ERBB4: variants seen among roughly 807,000 people sequenced by gnomAD.
ERBB4 encodes receptor tyrosine-protein kinase erbB-4.
A neutral mutation model predicts 158.0 loss-of-function variants in ERBB4; 42 were observed. The observed-to-expected ratio is 0.27, with a 90% CI of 0.21 to 0.34. The LOEUF is 0.34. ERBB4 is among the 10% of genes least tolerant of loss of function. The pLI, the probability that ERBB4 is intolerant of heterozygous loss-of-function variation, is 1.00. For missense variants in ERBB4, 1,333 were observed against 1,624.1 expected (o/e 0.82, Z 3.08); for synonymous variants, 583 against 558.7 (o/e 1.04, Z -0.61).
intron 5 of ERBB4, among the ~76,000 whole-genome samples, chr2:211,731,492 TACTG>T (rs1415311526): frequency 2.0e-5 from 3 of 152,140 alleles, no homozygotes; most frequent in Non-Finnish European, 4.4e-5. Flanking sequence ...GAGGAAGAAT[TACTG>T]ACTATTAGAG....
chr2:211,630,525 A>G lies in ERBB4; in HGVS notation c.2016T>C (p.Ala672=). ...FILVIVGLTF[A]VYVRRKSIKK... ...TGATGCTCTTCCTTCTAACATAAACAGCAAATGTCAGACCCACAATGACCA... is the reference window on the plus strand; with the variant it reads ...TGATGCTCTTCCTTCTAACATAAACGGCAAATGTCAGACCCACAATGACCA... Residue 672 remains alanine, a synonymous_variant, in exon 17 of 28, where the codon GCT becomes GCC. Coordinates refer to ENST00000342788, the MANE Select transcript of ERBB4 (RefSeq NM_005235.3). 6.2e-7 allele frequency: 1 copy of G among 1,613,606 alleles called. No homozygotes were observed. Among genetic ancestry groups the G allele is most frequent in the Non-Finnish European group, 8.5e-7 (1 of 1,179,612 alleles).
chr2:212,262,535 A>C (rs1355922995), intron 1 of ERBB4, among the ~76,000 whole-genome samples: 2 of 152,186 alleles, frequency 1.3e-5, no homozygotes, highest in Non-Finnish European at 2.9e-5. Context: ...AATTTTAGAA[A>C]ACCTTACAAT....
chr2:212,178,084 A>AT (rs1425187243), intron 1 of ERBB4, among the ~76,000 whole-genome samples: 74 of 151,768 alleles, frequency 4.9e-4, no homozygotes, highest in Non-Finnish European at 8.7e-4. Flanking sequence ...GAGAAGGGTA[A>AT]AAAGTGGTGA....
At chr2:211,687,192 T>A (rs543782051) in intron 12 of ERBB4, among the ~76,000 whole-genome samples, 4 of 148,708 alleles carry the variant, frequency 2.7e-5, no homozygotes, top group Non-Finnish European at 4.5e-5. Context: ...GTAGTCCCAG[T>A]TACTTGGGAG....
In ERBB4 at chr2:211,606,520, A is replaced by G. The variant is rs558025641; in HGVS notation, c.2301+12657T>C. Among the ~76,000 whole-genome samples, 7 of 152,140 alleles carry G rather than the reference A, an allele frequency of 4.6e-5. No homozygotes were observed. The South Asian group carries it at 1.2e-3, about 27-fold the overall frequency. On this transcript the variant is annotated intron_variant, in intron 19 of 27. Coordinates refer to ENST00000342788, the MANE Select transcript of ERBB4 (RefSeq NM_005235.3). ...GTAGAAGAGTGGGTTTCTCTCTAAT[A>G]AACCTATTGATATTATTTATGGATC...
At chr2:212,141,772 A>T (rs1002525142) in intron 1 of ERBB4, among the ~76,000 whole-genome samples, 3 of 152,102 alleles carry the variant, frequency 2.0e-5, no homozygotes, top group African/African-American at 4.8e-5. Context: ...AAGCCACGAA[A>T]GTCCCTATTT....
In ERBB4 at chr2:211,383,243, A is replaced by AAC; in HGVS notation, c.*371_*372insGT. 8.1e-6 allele frequency: 1 copy of AAC among 123,084 alleles called. No homozygotes were observed. 7.6% of individuals were successfully genotyped at this position (123,084 alleles called of 1,614,324 possible). Reference sequence around the variant, plus strand: ...CATGGGTGTTTCAACCATCTGCTTTAAAAAAAAAAAAAAAAAAGAAGAGGA... The same window carrying AAC: ...CATGGGTGTTTCAACCATCTGCTTTAACAAAAAAAAAAAAAAAAAGAAGAGGA... On this transcript the variant is annotated 3_prime_UTR_variant, in exon 28 of 28. Coordinates refer to ENST00000342788, the MANE Select transcript of ERBB4 (RefSeq NM_005235.3).
At chr2:211,565,016 GAA>G (rs2067507093) in intron 19 of ERBB4, among the ~76,000 whole-genome samples, 1 of 152,122 alleles carries the variant, frequency 6.6e-6, no homozygotes, top group Admixed American at 6.5e-5. Context: ...ATATGCACAA[GAA>G]AGACTCAGAA....
chr2:211,533,297 C>A (rs1403567172), intron 20 of ERBB4, among the ~76,000 whole-genome samples: 2 of 151,860 alleles, frequency 1.3e-5, no homozygotes, highest in Non-Finnish European at 2.9e-5. Context: ...GTCTTGTGAC[C>A]ATGTCTTCTG....
intron 16 of ERBB4, among the ~76,000 whole-genome samples, chr2:211,645,783 A>C (rs903091071): frequency 6.6e-6 from 1 of 151,560 alleles, no homozygotes. Context: ...ATGTTTTTAA[A>C]CTCACATTGT....
intron 5 of ERBB4, among the ~76,000 whole-genome samples, chr2:211,730,110 C>T (rs889111788): frequency 4.0e-5 from 6 of 151,834 alleles, no homozygotes; most frequent in Non-Finnish European, 8.8e-5. Context: ...ATTAAAAAAT[C>T]ATTAAGTAGC....
At chr2:211,971,956 A>T (rs1159177998) in intron 2 of ERBB4, among the ~76,000 whole-genome samples, 2 of 152,188 alleles carry the variant, frequency 1.3e-5, no homozygotes, top group Admixed American at 6.5e-5. Context: ...AACAAATAGA[A>T]AGAGAGGAAG....
intron 20 of ERBB4, among the ~76,000 whole-genome samples, chr2:211,437,545 T>C (rs185880237): frequency 1.3e-5 from 2 of 152,302 alleles, no homozygotes; most frequent in African/African-American, 2.4e-5. Flanking sequence ...TTTAATTCAA[T>C]GTGAAAATGT....
At chr2:212,435,380 T>A (rs1207181360) in intron 1 of ERBB4, among the ~76,000 whole-genome samples, 2 of 152,012 alleles carry the variant, frequency 1.3e-5, no homozygotes, top group African/African-American at 4.8e-5. Context: ...TGATGTTAAA[T>A]TTTGGACACC....
intron 1 of ERBB4, among the ~76,000 whole-genome samples, chr2:212,175,909 C>A (rs1026360460): frequency 2.0e-5 from 3 of 151,864 alleles, no homozygotes; most frequent in South Asian, 2.1e-4. Context: ...TTTGAGGTCA[C>A]CCAGCAGCTA....
At chr2:211,680,345 A>C (rs115385312) in intron 12 of ERBB4, among the ~76,000 whole-genome samples, 2,142 of 152,298 alleles carry the variant, frequency 0.014, 58 homozygotes, top group African/African-American at 0.048. Context: ...AAATACTTCA[A>C]ATGTTATCCT....
At chr2:211,464,209 G>T (rs1411003845) in intron 20 of ERBB4, among the ~76,000 whole-genome samples, 1 of 152,080 alleles carries the variant, frequency 6.6e-6, no homozygotes, top group Non-Finnish European at 1.5e-5. Context: ...AGCAGAATTT[G>T]GTTTTTGTCT....
At chr2:212,091,945 C>T (rs911427266) in intron 2 of ERBB4, among the ~76,000 whole-genome samples, 8 of 152,002 alleles carry the variant, frequency 5.3e-5, no homozygotes, top group Non-Finnish European at 8.8e-5. Context: ...ATGATCATTA[C>T]GAAGCAAATA....
chr2:212,360,900 A>T (rs2089663741), intron 1 of ERBB4, among the ~76,000 whole-genome samples: 1 of 151,726 alleles, frequency 6.6e-6, no homozygotes, highest in Non-Finnish European at 1.5e-5. Flanking sequence ...AGGTATTAAT[A>T]AGCCCAGATT....
Sources: allele counts gnomAD v4.1 joint callset (sites outside exome capture counted in the v4.1 genomes callset), GRCh38; gene constraint gnomAD v4.1.1; transcripts MANE v1.5; gene names NCBI Gene and HGNC (gene_info 2026-07-23, HGNC 2026-07-21).